The following IGSF21 variants were observed in gnomAD, a reference collection of about 807,000 sequenced individuals.
The protein encoded by IGSF21 is immunoglobin superfamily member 21.
Under a neutral mutation model 46.8 loss-of-function variants are expected in IGSF21, and 28 were observed. The observed-to-expected ratio is 0.60, with a 90% confidence interval of 0.44 to 0.82. IGSF21 has a LOEUF of 0.82. Among genes scored for constraint, IGSF21 ranks in the 40% least tolerant of loss-of-function variants. IGSF21 has a pLI of 0.00. For synonymous variants in IGSF21, 284 were observed against 273.6 expected, an observed-to-expected ratio of 1.04 and a Z score of -0.38; for missense variants, 624 against 665.5, an observed-to-expected ratio of 0.94 and a Z score of 0.69.
intron 2 of IGSF21, among the ~76,000 whole-genome samples, chr1:18,257,194 C>T (rs2084900980): frequency 6.6e-6 from 1 of 152,174 alleles, no homozygotes; most frequent in African/African-American, 2.4e-5. Context: ...AAAGAAAACA[C>T]ACGCTTTATT....
intron 1 of IGSF21, among the ~76,000 whole-genome samples, chr1:18,180,337 G>T (rs184860337): frequency 3.3e-5 from 5 of 152,146 alleles, no homozygotes; most frequent in African/African-American, 9.7e-5. Context: ...AACATGTCTG[G>T]CACATACATG....
At chr1:18,239,590 G>A (rs2084705710) in intron 2 of IGSF21, among the ~76,000 whole-genome samples, 1 of 151,980 alleles carries the variant, frequency 6.6e-6, no homozygotes, top group African/African-American at 2.4e-5. Context: ...TTCCCAAATG[G>A]GCCCACCATT....
chr1:18,218,821 A>G (rs565165204), intron 1 of IGSF21, among the ~76,000 whole-genome samples: 1 of 152,366 alleles, frequency 6.6e-6, no homozygotes, highest in South Asian at 2.1e-4. Context: ...AAATGCTTGA[A>G]CAAGTTATCA....
At position 18,146,802 on chromosome 1, in the gene IGSF21, T is replaced by C. The variant is rs568850942; in HGVS notation, c.70+38604T>C. Among the ~76,000 whole-genome samples, 594 of 152,302 alleles carry C rather than the reference T, an allele frequency of 3.9e-3. 3 individuals are homozygous for C. Among genetic ancestry groups the C allele is most frequent in the Non-Finnish European group, 6.2e-3 (425 of 68,028 alleles). On this transcript the variant is annotated intron_variant, in intron 1 of 9. Transcript: ENST00000251296. The stretch of plus-strand genomic sequence containing the variant: ...CTCTCCCATCTCTGTCTTCATGTTC[T>C]ATCTTAATTGATCCTCATAGCACCC...
chr1:18,370,939 A>C (rs2086218139), intron 6 of IGSF21, among the ~76,000 whole-genome samples: 1 of 152,234 alleles, frequency 6.6e-6, no homozygotes, highest in African/African-American at 2.4e-5. Flanking sequence ...TGTTGACAAG[A>C]AGGTAGAACA....
intron 1 of IGSF21, chr1:18,111,084 C>CT (rs2086139459): frequency 6.6e-6 from 1 of 152,298 alleles, no homozygotes; most frequent in Non-Finnish European, 1.5e-5. Flanking sequence ...AACGCCGAGA[C>CT]TGCGGGGGCT....
intron 2 of IGSF21, among the ~76,000 whole-genome samples, chr1:18,264,597 A>G (rs1404239556): frequency 6.6e-6 from 1 of 152,226 alleles, no homozygotes; most frequent in Non-Finnish European, 1.5e-5. Flanking sequence ...GCCCCTAGGC[A>G]AAGGGGTTAG....
chr1:18,139,634 G>A (rs2086396933), intron 1 of IGSF21, among the ~76,000 whole-genome samples: 1 of 152,234 alleles, frequency 6.6e-6, no homozygotes, highest in Non-Finnish European at 1.5e-5. Flanking sequence ...TGGGTTTGAA[G>A]GCCAGCCCCA....
rs1484604862 is a variant in IGSF21 at position 18,322,832 on chromosome 1, A to C, written c.306-12060A>C. 6.6e-6 allele frequency among the ~76,000 whole-genome samples: 1 copy of C among 152,180 alleles called. No homozygotes were observed. The highest frequency in any genetic ancestry group is 1.5e-5 in the Non-Finnish European group (1 of 68,034). On this transcript the variant is annotated intron_variant, in intron 3 of 9. Coordinates refer to ENST00000251296, the MANE Select transcript of IGSF21 (RefSeq NM_032880.5). The surrounding 1 kb of genome is among the most constrained non-coding windows in gnomAD (Gnocchi z 4.3). ...TGGCAGCAGCCAGAGTCTGGAAAAG[A>C]GGCCTGGAGAGGAAGCCGGTGGAGA... is the stretch of plus-strand genomic sequence containing the variant.
Position 18,365,601 on chromosome 1 carries a change from T to C in IGSF21, c.919T>C (p.Trp307Arg). Residue 307 changes from tryptophan to arginine, a missense_variant, in exon 6 of 10, where the codon TGG becomes CGG. Transcript: ENST00000251296. This position sits in a 1 kb window ranked among gnomAD's most constrained non-coding sequence, Gnocchi z 4.8. ...GTVEVRALLT[W>R]TLNPQIDNEA... Reference sequence around the variant, plus strand: ...TGTGGAAGTACGTGCCCTGCTCACCTGGACCCTCAACCCACAGATCGACAA... The same window carrying C: ...TGTGGAAGTACGTGCCCTGCTCACCCGGACCCTCAACCCACAGATCGACAA... 1 of 1,614,204 alleles carries C rather than the reference T, an allele frequency of 6.2e-7. No homozygotes were observed. Among genetic ancestry groups the C allele is most frequent in the South Asian group, 1.1e-5 (1 of 91,080 alleles).
chr1:18,229,033 G>A (rs1414593688), intron 2 of IGSF21, among the ~76,000 whole-genome samples: 2 of 152,114 alleles, frequency 1.3e-5, no homozygotes, highest in African/African-American at 4.8e-5. Context: ...ATTAAAAAAG[G>A]TAAAAACTGT....
At chr1:18,269,935 TG>T (rs933694049) in intron 2 of IGSF21, among the ~76,000 whole-genome samples, 8 of 152,180 alleles carry the variant, frequency 5.3e-5, no homozygotes, top group Non-Finnish European at 1.2e-4. Flanking sequence ...TTTTCCAGTA[TG>T]TTAGAAGCAT....
Position 18,337,826 on chromosome 1 carries a change from G to C in IGSF21, c.424+2816G>C, listed in dbSNP as rs114848038. On this transcript the variant is annotated intron_variant, in intron 4 of 9. Coordinates refer to ENST00000251296, the MANE Select transcript of IGSF21 (RefSeq NM_032880.5). The surrounding 1 kb of genome is among the most constrained non-coding windows in gnomAD (Gnocchi z 5.7). ...TCCAATCCTCACTGCAGATCGGCGCGTGGGGGATTACTATTATCTCTAACT... is the reference window on the plus strand; with the variant it reads ...TCCAATCCTCACTGCAGATCGGCGCCTGGGGGATTACTATTATCTCTAACT... Among the ~76,000 whole-genome samples the C allele has an allele frequency of 6.6e-6, 1 of 152,164 alleles. No homozygotes were observed. The highest frequency in any genetic ancestry group is 1.5e-5 in the Non-Finnish European group (1 of 68,040).
At chr1:18,182,974 C>T (rs567788640) in intron 1 of IGSF21, among the ~76,000 whole-genome samples, 8 of 152,326 alleles carry the variant, frequency 5.3e-5, no homozygotes, top group South Asian at 2.1e-4. Context: ...CCAGCAGACG[C>T]GACATCACCC....
chr1:18,322,557 G>A lies in IGSF21; in HGVS notation c.306-12335G>A, dbSNP rs190370048. The stretch of plus-strand genomic sequence containing the variant: ...GTTTGCTCACTGCCCAGCTTCTTTG[G>A]TCTCATTTCCCTTTGGCCAACCACC... On this transcript the variant is annotated intron_variant, in intron 3 of 9. Coordinates refer to ENST00000251296, the MANE Select transcript of IGSF21 (RefSeq NM_032880.5). This position sits in a 1 kb window ranked among gnomAD's most constrained non-coding sequence, Gnocchi z 4.3. Among the ~76,000 whole-genome samples, 165 of 152,296 alleles carry A rather than the reference G, an allele frequency of 1.1e-3. No individual in the cohort carries two copies. Among genetic ancestry groups the A allele is most frequent in the Middle Eastern group, 6.8e-3 (2 of 294 alleles).
intron 1 of IGSF21, among the ~76,000 whole-genome samples, chr1:18,197,390 C>CTGTGTGA (rs1271114555): frequency 6.6e-6 from 1 of 152,234 alleles, no homozygotes; most frequent in Non-Finnish European, 1.5e-5. Flanking sequence ...TCTCCATCAG[C>CTGTGTGA]CCACAGTAAG....
intron 1 of IGSF21, among the ~76,000 whole-genome samples, chr1:18,179,744 G>A (rs745879258): frequency 6.6e-6 from 1 of 152,126 alleles, no homozygotes; most frequent in Non-Finnish European, 1.5e-5. Context: ...CCACCCAAGG[G>A]ATGTGAGGAT....
intron 1 of IGSF21, among the ~76,000 whole-genome samples, chr1:18,224,062 T>C (rs574664787): frequency 6.6e-6 from 1 of 152,268 alleles, no homozygotes; most frequent in East Asian, 1.9e-4. Flanking sequence ...AGGGTGAAGC[T>C]AGCCAGGTGC....
intron 2 of IGSF21, among the ~76,000 whole-genome samples, chr1:18,238,713 A>C (rs765966834): frequency 6.6e-5 from 10 of 152,106 alleles, no homozygotes; most frequent in Non-Finnish European, 1.2e-4. Context: ...GGGCTCCCAC[A>C]CTGCATGGGT....
Sources: allele counts gnomAD v4.1 joint callset (sites outside exome capture counted in the v4.1 genomes callset), GRCh38; gene constraint gnomAD v4.1.1; non-coding constraint Gnocchi (gnomAD v3.1); transcripts MANE v1.5; gene names NCBI Gene and HGNC (gene_info 2026-07-23, HGNC 2026-07-21).